NRXN1: variants seen among roughly 807,000 people sequenced by gnomAD.
The protein encoded by NRXN1 is neurexin-1.
A neutral mutation model predicts 150.9 loss-of-function variants in NRXN1; 39 were observed. The observed-to-expected ratio is 0.26, with a 90% CI of 0.20 to 0.34. The LOEUF is 0.34. Ranked by LOEUF, NRXN1 falls within the 10% of genes least tolerant of loss-of-function variation. The pLI, the probability that NRXN1 is intolerant of heterozygous loss-of-function variation, is 1.00. For missense variants in NRXN1, 1,815 were observed against 1,949.9 expected (o/e 0.93, Z 1.30); for synonymous variants, 924 against 757.0 (o/e 1.22, Z -3.62).
chr2:50,684,405 G>A lies in NRXN1; in HGVS notation c.833-60790C>T, dbSNP rs144611179. 4.8e-3 allele frequency among the ~76,000 whole-genome samples: 736 copies of A among 152,174 alleles called. 9 individuals carry two copies. Among genetic ancestry groups the A allele is most frequent in the African/African-American group, 0.017 (702 of 41,510 alleles). Reference sequence around the variant, plus strand: ...GTAGTCCCAGCTACTAGGAGGCTAAGGTGGGAAGATCTCTTGAGTCCAGGA... The same window carrying A: ...GTAGTCCCAGCTACTAGGAGGCTAAAGTGGGAAGATCTCTTGAGTCCAGGA... On this transcript the variant is annotated intron_variant, in intron 5 of 22. Transcript: ENST00000401669.
rs529859767 is a variant in NRXN1 at position 50,349,858 on chromosome 2, A to G, written c.3365-112888T>C. 2.0e-5 allele frequency among the ~76,000 whole-genome samples: 3 copies of G among 152,296 alleles called. No individual in the cohort carries two copies. The South Asian group carries it at 6.2e-4, about 32-fold the overall frequency. ...ACGTAGAACATTGCATTGTTTTCCAATACCCTCATATATTGTGTTAATCTA... is the reference window on the plus strand; with the variant it reads ...ACGTAGAACATTGCATTGTTTTCCAGTACCCTCATATATTGTGTTAATCTA... On this transcript the variant is annotated intron_variant, in intron 17 of 22. Transcript: ENST00000401669.
intron 17 of NRXN1, among the ~76,000 whole-genome samples, chr2:50,448,096 A>G (rs902499748): frequency 1.3e-5 from 2 of 152,060 alleles, no homozygotes; most frequent in African/African-American, 4.8e-5. Flanking sequence ...CTATTAAGCT[A>G]CTTTTGAGGG....
At chr2:50,312,647 A>G (rs1050156137) in intron 17 of NRXN1, 2 of 470,262 alleles carry the variant, frequency 4.3e-6, no homozygotes, top group African/African-American at 2.0e-5. Context: ...TATGTTTTGG[A>G]AGTAGGGGAT....
At chr2:50,019,959 AAAAAAAAAAAAAAAGAGAG>A (rs1421611157) in intron 21 of NRXN1, among the ~76,000 whole-genome samples, 2 of 132,248 alleles carry the variant, frequency 1.5e-5, no homozygotes, top group Non-Finnish European at 3.3e-5. Flanking sequence ...AAAAAAAAAA[AAAAAAAAAAAAAAAGAGAG>A]AGAGAGAGAC....
intron 15 of NRXN1, among the ~76,000 whole-genome samples, chr2:50,475,287 G>A (rs1321728229): frequency 1.3e-5 from 2 of 152,034 alleles, no homozygotes; most frequent in Non-Finnish European, 2.9e-5. Flanking sequence ...ACCTCCTGAA[G>A]GAGAGAGACT....
intron 18 of NRXN1, among the ~76,000 whole-genome samples, chr2:50,159,353 G>T (rs2059224754): frequency 6.6e-6 from 1 of 152,044 alleles, no homozygotes; most frequent in Admixed American, 6.6e-5. Flanking sequence ...ATAATCTTTA[G>T]ATCTTAGTTA....
intron 5 of NRXN1, among the ~76,000 whole-genome samples, chr2:50,846,027 C>T (rs956575512): frequency 6.6e-6 from 1 of 152,150 alleles, no homozygotes; most frequent in Non-Finnish European, 1.5e-5. Flanking sequence ...TTGTTTTTCA[C>T]ATTAAAATTT....
At chr2:50,244,123 T>C (rs2066285511) in intron 17 of NRXN1, among the ~76,000 whole-genome samples, 1 of 151,954 alleles carries the variant, frequency 6.6e-6, no homozygotes, top group South Asian at 2.1e-4. Flanking sequence ...TTAGAAAGAA[T>C]TATATATTCA....
At chr2:50,502,137 G>T (rs2091978848) in intron 13 of NRXN1, among the ~76,000 whole-genome samples, 1 of 151,878 alleles carries the variant, frequency 6.6e-6, no homozygotes, top group Non-Finnish European at 1.5e-5. Flanking sequence ...AATCAAGACT[G>T]AATTATTCTT....
At chr2:50,741,935 T>C (rs858937) in intron 5 of NRXN1, among the ~76,000 whole-genome samples, 12,925 of 152,250 alleles carry the variant, frequency 0.085, 704 homozygotes, top group Middle Eastern at 0.15. Context: ...TGATGTGAGA[T>C]ATTTTCTTAT....
At chr2:50,162,134 C>A (rs964308781) in intron 18 of NRXN1, among the ~76,000 whole-genome samples, 7 of 151,982 alleles carry the variant, frequency 4.6e-5, no homozygotes, top group African/African-American at 1.7e-4. Context: ...AAAGTTATGC[C>A]CAAATTGCTC....
chr2:50,860,395 G>C (rs919695702), intron 5 of NRXN1, among the ~76,000 whole-genome samples: 4 of 152,048 alleles, frequency 2.6e-5, no homozygotes, highest in Non-Finnish European at 5.9e-5. Context: ...TATGATTTTA[G>C]AGAAGGGAGA....
intron 15 of NRXN1, among the ~76,000 whole-genome samples, chr2:50,489,998 C>T (rs543375307): frequency 6.6e-6 from 1 of 152,312 alleles, no homozygotes; most frequent in South Asian, 2.1e-4. Context: ...GAGACAAATT[C>T]TGCAAAACCC....
At chr2:50,212,911 G>A (rs2063137238) in intron 18 of NRXN1, among the ~76,000 whole-genome samples, 1 of 151,950 alleles carries the variant, frequency 6.6e-6, no homozygotes, top group African/African-American at 2.4e-5. Context: ...TTCATCATGA[G>A]AATTTCCAAA....
intron 10 of NRXN1, among the ~76,000 whole-genome samples, chr2:50,533,504 T>C (rs1018225275): frequency 1.3e-5 from 2 of 152,196 alleles, no homozygotes; most frequent in African/African-American, 4.8e-5. Context: ...TCCAATCCAT[T>C]TGCAAGTCTG....
chr2:50,163,663 A>T (rs1048600834), intron 18 of NRXN1, among the ~76,000 whole-genome samples: 5 of 152,154 alleles, frequency 3.3e-5, no homozygotes, highest in Non-Finnish European at 7.4e-5. Context: ...TGCCTGATCA[A>T]ACCTCACAAA....
intron 21 of NRXN1, among the ~76,000 whole-genome samples, chr2:49,948,314 C>A (rs896022191): frequency 1.1e-4 from 16 of 151,944 alleles, no homozygotes. Context: ...TCAGTGTTAC[C>A]TTCTGCAAAA....
chr2:50,865,623 C>A (rs553892359), intron 5 of NRXN1, among the ~76,000 whole-genome samples: 2 of 118,720 alleles, frequency 1.7e-5, no homozygotes, highest in East Asian at 5.2e-4. Flanking sequence ...TGTAGTAGCA[C>A]CTGGCACACA....
intron 21 of NRXN1, among the ~76,000 whole-genome samples, chr2:50,003,513 T>C: frequency 6.6e-6 from 1 of 152,116 alleles, no homozygotes; most frequent in East Asian, 1.9e-4. Context: ...TTCCTCCTAA[T>C]TTGAAAGTTG....
Sources: gnomAD v4.1 joint callset for allele counts (sites outside exome capture counted in the v4.1 genomes callset) on GRCh38, gnomAD v4.1.1 for gene constraint, MANE v1.5 for transcripts, NCBI Gene and HGNC (gene_info 2026-07-23, HGNC 2026-07-21) for gene names.